ATF7IP: variants seen among roughly 807,000 people sequenced by gnomAD.
ATF7IP encodes activating transcription factor 7-interacting protein 1.
Under a neutral mutation model 106.4 loss-of-function variants are expected in ATF7IP, and 23 were observed. That is an observed-to-expected ratio of 0.22 (90% CI 0.16 to 0.31). The LOEUF (loss-of-function observed/expected upper bound fraction) is 0.31. ATF7IP is among the 10% of genes least tolerant of loss of function. The pLI is 1.00. For synonymous variants in ATF7IP, 542 were observed against 539.0 expected, an observed-to-expected ratio of 1.01 and a Z score of -0.08; for missense variants, 1,334 against 1,524.3, an observed-to-expected ratio of 0.88 and a Z score of 2.08.
intron 8 of ATF7IP, among the ~76,000 whole-genome samples, chr12:14,458,346 G>T (rs1422975921): frequency 1.3e-5 from 2 of 152,126 alleles, no homozygotes; most frequent in Non-Finnish European, 2.9e-5. Context: ...TTAAAATGTT[G>T]ATTTGGCTGA....
At chr12:14,488,962 G>A (rs1944719735) in intron 13 of ATF7IP, among the ~76,000 whole-genome samples, 3 of 152,166 alleles carry the variant, frequency 2.0e-5, no homozygotes, top group Admixed American at 2.0e-4. Flanking sequence ...GACAATTACA[G>A]TCCCCATTTC....
At chr12:14,476,041 AC>A in intron 11 of ATF7IP, 73 bp downstream of exon 11, 1 of 1,032,436 alleles carries the variant, frequency 9.7e-7, no homozygotes, top group East Asian at 2.4e-5. Flanking sequence ...ACAGTATTCT[AC>A]AAAGACAGAT....
chr12:14,465,136 C>A (rs1244564809), intron 9 of ATF7IP, among the ~76,000 whole-genome samples: 1 of 152,034 alleles, frequency 6.6e-6, no homozygotes. Context: ...GAATCTCGAA[C>A]CTGGGAGATG....
intron 9 of ATF7IP, among the ~76,000 whole-genome samples, chr12:14,462,779 G>T (rs1401072102): frequency 6.6e-6 from 1 of 151,524 alleles, no homozygotes. Flanking sequence ...TCATTAATTG[G>T]TATAGCATTC....
intron 10 of ATF7IP, 101 bp downstream of exon 10, chr12:14,466,691 G>T: frequency 1.1e-6 from 1 of 924,496 alleles, no homozygotes; most frequent in Non-Finnish European, 1.7e-6. Flanking sequence ...TTCTATGTGT[G>T]TTTTTTATAA....
intron 6 of ATF7IP, among the ~76,000 whole-genome samples, chr12:14,450,671 G>A (rs1321005453): frequency 6.6e-6 from 1 of 152,104 alleles, no homozygotes; most frequent in Non-Finnish European, 1.5e-5. Context: ...CTAATAAATG[G>A]AATTTGAAAG....
intron 13 of ATF7IP, chr12:14,481,537 TA>T: frequency 2.6e-6 from 1 of 390,904 alleles, no homozygotes; most frequent in Non-Finnish European, 4.9e-6. Context: ...TTTTGTCAAT[TA>T]AAAAATAGTT....
chr12:14,458,090 C>T (rs1164064821), intron 8 of ATF7IP, among the ~76,000 whole-genome samples: 1 of 150,420 alleles, frequency 6.6e-6, no homozygotes, highest in Non-Finnish European at 1.5e-5. Flanking sequence ...AGTGGGACTT[C>T]CTCTCAAAAA....
intron 5 of ATF7IP, among the ~76,000 whole-genome samples, chr12:14,443,862 A>AT (rs1942828302): frequency 6.6e-6 from 1 of 152,228 alleles, no homozygotes; most frequent in Non-Finnish European, 1.5e-5. Context: ...AGTTTTCCTT[A>AT]TATCAACAAT....
intron 2 of ATF7IP, among the ~76,000 whole-genome samples, chr12:14,426,281 A>G (rs1941843109): frequency 6.6e-6 from 1 of 152,196 alleles, no homozygotes; most frequent in Non-Finnish European, 1.5e-5. Context: ...GAAAAACATT[A>G]TTCCTCTATG....
intron 5 of ATF7IP, among the ~76,000 whole-genome samples, chr12:14,446,139 T>G (rs1400207076): frequency 2.6e-5 from 4 of 151,658 alleles, no homozygotes; most frequent in Non-Finnish European, 2.9e-5. Flanking sequence ...GGTAATGGGT[T>G]TTTTGTTTGT....
chr12:14,404,215 T>TC (rs1940426629), intron 1 of ATF7IP, among the ~76,000 whole-genome samples: 2 of 152,126 alleles, frequency 1.3e-5, no homozygotes, highest in South Asian at 4.1e-4. Context: ...CTTCTAATTT[T>TC]CATGGTCATA....
At chr12:14,409,653 G>A (rs1196911152) in intron 1 of ATF7IP, among the ~76,000 whole-genome samples, 6 of 152,026 alleles carry the variant, frequency 3.9e-5, no homozygotes, top group Non-Finnish European at 8.8e-5. Context: ...TTGGGACAGG[G>A]AAAAAGAGTA....
chr12:14,432,326 C>A (rs971652492), intron 2 of ATF7IP, among the ~76,000 whole-genome samples: 3 of 152,004 alleles, frequency 2.0e-5, no homozygotes, highest in Non-Finnish European at 4.4e-5. Context: ...TCAGGAGTTA[C>A]TAACAATGAG....
chr12:14,474,541 T>C (rs1944187651), intron 10 of ATF7IP, among the ~76,000 whole-genome samples: 1 of 151,580 alleles, frequency 6.6e-6, no homozygotes, highest in Non-Finnish European at 1.5e-5. Context: ...GCTGGGACTA[T>C]AGACACCCAC....
At chr12:14,492,861 G>A (rs1384505932) in intron 13 of ATF7IP, among the ~76,000 whole-genome samples, 3 of 145,818 alleles carry the variant, frequency 2.1e-5, no homozygotes. Context: ...ATATAGAGTC[G>A]AGCAATTAGA....
chr12:14,390,232 T>G (rs143660491), intron 1 of ATF7IP, among the ~76,000 whole-genome samples: 1 of 152,322 alleles, frequency 6.6e-6, no homozygotes, highest in African/African-American at 2.4e-5. Context: ...TAAGTAAAAT[T>G]TAGCCTACTT....
At chr12:14,377,460 A>G (rs1244046120) in intron 1 of ATF7IP, among the ~76,000 whole-genome samples, 2 of 149,950 alleles carry the variant, frequency 1.3e-5, no homozygotes, top group African/African-American at 2.5e-5. Flanking sequence ...GGTTCACGCC[A>G]TTCTCCTGCC....
At chr12:14,401,972 A>G (rs546921647) in intron 1 of ATF7IP, among the ~76,000 whole-genome samples, 2 of 151,696 alleles carry the variant, frequency 1.3e-5, no homozygotes, top group Non-Finnish European at 1.5e-5. Context: ...TCGGCCTCCA[A>G]AAGTGCTGGG....
Sources: allele counts gnomAD v4.1 joint callset (sites outside exome capture counted in the v4.1 genomes callset), GRCh38; gene constraint gnomAD v4.1.1; transcripts MANE v1.5; gene names NCBI Gene and HGNC (gene_info 2026-07-23, HGNC 2026-07-21).